The following GPC5 variants were observed in gnomAD, a reference collection of about 807,000 sequenced individuals.
GPC5 encodes the protein glypican-5.
In GPC5, 47 loss-of-function variants were observed where a neutral mutation model predicts 53.9. That is an observed-to-expected ratio of 0.87 (90% CI 0.69 to 1.11). The LOEUF (loss-of-function observed/expected upper bound fraction) is 1.11. GPC5 is among the 50% of genes most tolerant of loss of function. The pLI is 0.00. For missense variants in GPC5, 748 were observed against 713.1 expected, an observed-to-expected ratio of 1.05 and a Z score of -0.56; for synonymous variants, 286 against 263.3, an observed-to-expected ratio of 1.09 and a Z score of -0.84.
At chr13:91,895,420 A>G (rs2039430987) in intron 5 of GPC5, among the ~76,000 whole-genome samples, 1 of 152,154 alleles carries the variant, frequency 6.6e-6, no homozygotes, top group Non-Finnish European at 1.5e-5. Flanking sequence ...TGAGATAATT[A>G]CCCTTGACTA....
intron 7 of GPC5, among the ~76,000 whole-genome samples, chr13:92,737,821 C>A (rs1272255492): frequency 1.7e-5 from 2 of 119,992 alleles, no homozygotes; most frequent in Non-Finnish European, 3.2e-5. Context: ...GGCTGGAGTA[C>A]AATGGCGTGA....
At chr13:91,692,497 A>G (rs976143370) in intron 2 of GPC5, among the ~76,000 whole-genome samples, 2 of 152,208 alleles carry the variant, frequency 1.3e-5, no homozygotes, top group Non-Finnish European at 2.9e-5. Flanking sequence ...GTGGTGAATT[A>G]AGTACTTAAT....
intron 7 of GPC5, among the ~76,000 whole-genome samples, chr13:92,531,740 G>T (rs1045499461): frequency 8.5e-5 from 13 of 152,106 alleles, no homozygotes; most frequent in African/African-American, 2.9e-4. Context: ...TATGCGTACT[G>T]ATCTCCACTG....
intron 7 of GPC5, among the ~76,000 whole-genome samples, chr13:92,314,286 A>C (rs1465540380): frequency 6.6e-6 from 1 of 152,126 alleles, no homozygotes; most frequent in Non-Finnish European, 1.5e-5. Flanking sequence ...CTAGACTCTC[A>C]AAATATCTTC....
In GPC5 at chr13:92,000,271, T is replaced by TA. The variant is rs1396919043; in HGVS notation, c.1401+92220dup. ...AACATGGTGTGCATATTTTTTTTAT[T>TA]AAAAAATAGTTCTATATTTGGATAG... On this transcript the variant is annotated intron_variant, in intron 6 of 7. Transcript: ENST00000377067. Among the ~76,000 whole-genome samples the TA allele has an allele frequency of 1.3e-5, 2 of 152,030 alleles. 1 individual carries two copies. The highest frequency in any genetic ancestry group is 6.3e-3 in the Middle Eastern group (2 of 316).
chr13:91,807,916 G>C (rs949444279), intron 5 of GPC5, among the ~76,000 whole-genome samples: 1 of 152,042 alleles, frequency 6.6e-6, no homozygotes, highest in African/African-American at 2.4e-5. Flanking sequence ...TTAACCACAA[G>C]GTTTCTTAAA....
chr13:91,405,837 T>A (rs1391913575), intron 1 of GPC5, among the ~76,000 whole-genome samples: 1 of 152,138 alleles, frequency 6.6e-6, no homozygotes, highest in Non-Finnish European at 1.5e-5. Flanking sequence ...GTGGTATAAT[T>A]ACAGCTCACT....
In GPC5 at chr13:91,974,717, GC is replaced by G. The variant is rs1295512115; in HGVS notation, c.1401+66662del. The stretch of plus-strand genomic sequence containing the variant: ...ACCCAAGGTAATTTATAGATTCAAT[GC>G]CATCCCCATCAAGTTACCAATGACT... On this transcript the variant is annotated intron_variant, in intron 6 of 7. Coordinates refer to ENST00000377067, the MANE Select transcript of GPC5 (RefSeq NM_004466.6). 4.6e-5 allele frequency among the ~76,000 whole-genome samples: 7 copies of G among 152,270 alleles called. No homozygotes were observed. In the East Asian group the frequency reaches 5.8e-4, roughly 13 times the overall value.
intron 7 of GPC5, among the ~76,000 whole-genome samples, chr13:92,613,560 A>AAAAT (rs1229956391): frequency 7.9e-5 from 10 of 126,808 alleles, no homozygotes; most frequent in African/African-American, 3.1e-4. Context: ...ATTTATATAC[A>AAAAT]ATAATATATA....
chr13:92,052,710 T>C (rs980775425), intron 6 of GPC5, among the ~76,000 whole-genome samples: 2 of 152,070 alleles, frequency 1.3e-5, no homozygotes, highest in African/African-American at 4.8e-5. Flanking sequence ...GTTTTCCAAG[T>C]CCCCACTTGA....
At chr13:92,691,912 C>T (rs1251892627) in intron 7 of GPC5, among the ~76,000 whole-genome samples, 1 of 151,982 alleles carries the variant, frequency 6.6e-6, no homozygotes, top group African/African-American at 2.4e-5. Context: ...GGTACATATA[C>T]AGGTTTTTTA....
chr13:91,457,183 A>G (rs984007290), intron 2 of GPC5, among the ~76,000 whole-genome samples: 8 of 152,088 alleles, frequency 5.3e-5, no homozygotes, highest in Non-Finnish European at 1.2e-4. Flanking sequence ...TTGTATCAAA[A>G]TATTTAGTTT....
chr13:91,476,703 A>G lies in GPC5; in HGVS notation c.325+27781A>G, dbSNP rs566944032. 7.9e-5 allele frequency among the ~76,000 whole-genome samples: 12 copies of G among 152,290 alleles called. No individual in the cohort carries two copies. The South Asian group carries it at 1.0e-3, about 13-fold the overall frequency. ...AGAGGAGGATTACTCTACTCACACC[A>G]ATTGAGACAGACGGTTGCAGAATTA... On this transcript the variant is annotated intron_variant, in intron 2 of 7. Transcript: ENST00000377067.
chr13:91,639,247 C>G (rs2034360218), intron 2 of GPC5, among the ~76,000 whole-genome samples: 1 of 152,108 alleles, frequency 6.6e-6, no homozygotes, highest in Non-Finnish European at 1.5e-5. Context: ...TTTTCCAGTT[C>G]CACCTCAAAT....
chr13:92,756,361 C>T (rs1315058848), intron 7 of GPC5, among the ~76,000 whole-genome samples: 1 of 151,924 alleles, frequency 6.6e-6, no homozygotes, highest in East Asian at 1.9e-4. Flanking sequence ...ATGACAAACC[C>T]ACAGCCAATA....
chr13:91,465,623 TG>T (rs1882187628), intron 2 of GPC5, among the ~76,000 whole-genome samples: 1 of 152,234 alleles, frequency 6.6e-6, no homozygotes, highest in Non-Finnish European at 1.5e-5. Flanking sequence ...TTGTAAGCTC[TG>T]GGCTAATTCC....
At chr13:92,602,796 G>A (rs377537196) in intron 7 of GPC5, among the ~76,000 whole-genome samples, 13 of 152,164 alleles carry the variant, frequency 8.5e-5, no homozygotes, top group South Asian at 6.2e-4. Flanking sequence ...CAGACTTGAT[G>A]ACTCACTAAA....
At chr13:92,502,463 T>C (rs576348095) in intron 7 of GPC5, among the ~76,000 whole-genome samples, 2 of 152,020 alleles carry the variant, frequency 1.3e-5, no homozygotes, top group Admixed American at 1.3e-4. Context: ...AATGGCTATA[T>C]GCTGTCTACA....
intron 7 of GPC5, among the ~76,000 whole-genome samples, chr13:92,798,656 A>G (rs1176209293): frequency 6.6e-6 from 1 of 151,840 alleles, no homozygotes; most frequent in Non-Finnish European, 1.5e-5. Context: ...CGTACTAGAG[A>G]TGAAGTATGA....
Sources: allele counts gnomAD v4.1 joint callset (sites outside exome capture counted in the v4.1 genomes callset), GRCh38; gene constraint gnomAD v4.1.1; transcripts MANE v1.5; gene names NCBI Gene and HGNC (gene_info 2026-07-23, HGNC 2026-07-21).